Variants in RYR2 observed in about 807,000 individuals in gnomAD.
RYR2 encodes ryanodine receptor 2.
In RYR2, 227 loss-of-function variants were observed where a neutral mutation model predicts 601.1. The ratio of observed to expected loss-of-function variants is 0.38; its 90% CI spans 0.34 to 0.42. RYR2 has a LOEUF of 0.42. Ranked by LOEUF, RYR2 falls within the 10% of genes least tolerant of loss-of-function variation. The pLI is 1.00. For missense variants in RYR2, 4,646 were observed against 6,156.5 expected, an observed-to-expected ratio of 0.75 and a Z score of 8.21; for synonymous variants, 2,223 against 2,175.1, an observed-to-expected ratio of 1.02 and a Z score of -0.61.
In RYR2 at chr1:237,705,238, C is replaced by T; in HGVS notation, c.9475C>T (p.Leu3159=). The T allele has an allele frequency of 6.2e-7, 1 of 1,608,072 alleles. No individual in the cohort carries two copies. The highest frequency in any genetic ancestry group is 8.5e-7 in the Non-Finnish European group (1 of 1,176,616). ...ERQRSALGEC[L]AAFAGAFPVA... ...GCAACGTTCTGCATTAGGAGAATGT[C>T]TAGCTGCCTTTGCTGGTGCTTTTCC... is the stretch of plus-strand genomic sequence containing the variant. The change falls in exon 67 of 105, where the codon CTA becomes TTA. Residue 3159 remains leucine (L), a synonymous_variant. Transcript: ENST00000366574.
At chr1:237,575,296 T>C (rs1333908423) in intron 29 of RYR2, among the ~76,000 whole-genome samples, 1 of 152,202 alleles carries the variant, frequency 6.6e-6, no homozygotes, top group Non-Finnish European at 1.5e-5. Flanking sequence ...GTGATACTCC[T>C]CCATACCAAG....
intron 27 of RYR2, among the ~76,000 whole-genome samples, chr1:237,554,481 G>A (rs1670696622): frequency 6.6e-6 from 1 of 151,736 alleles, no homozygotes; most frequent in Non-Finnish European, 1.5e-5. Flanking sequence ...GTTAGATTTT[G>A]ATATCAATGT....
intron 29 of RYR2, among the ~76,000 whole-genome samples, chr1:237,576,391 T>C (rs890709367): frequency 1.3e-5 from 2 of 152,158 alleles, no homozygotes; most frequent in Non-Finnish European, 2.9e-5. Context: ...GTGGTATTGT[T>C]GTAGGGATAG....
chr1:237,104,455 C>T (rs2148537706), intron 1 of RYR2, among the ~76,000 whole-genome samples: 1 of 152,288 alleles, frequency 6.6e-6, no homozygotes, highest in East Asian at 1.9e-4. Context: ...TCCCTGTCTC[C>T]TTGTCTAGCA....
chr1:237,360,443 G>C (rs1699683304), intron 4 of RYR2, among the ~76,000 whole-genome samples: 2 of 152,166 alleles, frequency 1.3e-5, no homozygotes. Flanking sequence ...CAGAGATAAA[G>C]TGTGAGAACT....
chr1:237,385,456 T>A (rs1033382360), intron 8 of RYR2, among the ~76,000 whole-genome samples: 1 of 152,192 alleles, frequency 6.6e-6, no homozygotes, highest in South Asian at 2.1e-4. Context: ...ATTTTGTGTA[T>A]GTATTTTACT....
At chr1:237,796,761 T>G (rs1045751521) in intron 96 of RYR2, among the ~76,000 whole-genome samples, 1 of 152,006 alleles carries the variant, frequency 6.6e-6, no homozygotes, top group African/African-American at 2.4e-5. Context: ...TGCTTGTCTT[T>G]AATTGCTTTT....
At chr1:237,580,083 C>A (rs2148361200) in intron 29 of RYR2, among the ~76,000 whole-genome samples, 1 of 151,594 alleles carries the variant, frequency 6.6e-6, no homozygotes, top group South Asian at 2.1e-4. Flanking sequence ...ATTCTTACGA[C>A]TGTGAGGAAG....
intron 66 of RYR2, among the ~76,000 whole-genome samples, chr1:237,703,522 C>A (rs915468675): frequency 6.7e-6 from 1 of 149,592 alleles, no homozygotes; most frequent in Non-Finnish European, 1.5e-5. Flanking sequence ...AACCTCTTGC[C>A]TATTTCTCCT....
intron 27 of RYR2, among the ~76,000 whole-genome samples, chr1:237,562,529 G>A (rs976781750): frequency 3.3e-5 from 5 of 152,210 alleles, no homozygotes; most frequent in Non-Finnish European, 7.4e-5. Flanking sequence ...TGGGAGGTAC[G>A]GGGAGCACAG....
At chr1:237,565,115 TTTTCTTTC>T (rs367736284) in intron 27 of RYR2, among the ~76,000 whole-genome samples, 14 of 8,764 alleles carry the variant, frequency 1.6e-3, no homozygotes, top group South Asian at 0.022. Context: ...CTTTCTTTCT[TTTTCTTTC>T]TTTCTTTCTT....
chr1:237,268,365 T>C (rs1689274386), intron 1 of RYR2, among the ~76,000 whole-genome samples: 1 of 152,218 alleles, frequency 6.6e-6, no homozygotes, highest in South Asian at 2.1e-4. Flanking sequence ...CACCACAATA[T>C]AGCTTTGATC....
chr1:237,407,284 T>G (rs1206325425), intron 10 of RYR2, among the ~76,000 whole-genome samples: 2 of 152,212 alleles, frequency 1.3e-5, no homozygotes, highest in East Asian at 3.9e-4. Flanking sequence ...GCAAGTTTTG[T>G]ATAGACCTAA....
chr1:237,816,736 G>A (rs1773464), intron 100 of RYR2, among the ~76,000 whole-genome samples: 99,059 of 151,680 alleles, frequency 0.65, 32,955 homozygotes, highest in East Asian at 0.94. Flanking sequence ...CTTAATAAAA[G>A]TAAGAAATGT....
At chr1:237,081,268 C>G (rs1335985607) in intron 1 of RYR2, among the ~76,000 whole-genome samples, 1 of 89,854 alleles carries the variant, frequency 1.1e-5, no homozygotes, top group African/African-American at 4.2e-5. Flanking sequence ...TACCCTAAAA[C>G]TTAGAGTATA....
chr1:237,328,324 G>C (rs1396942189), intron 2 of RYR2, among the ~76,000 whole-genome samples: 3 of 152,112 alleles, frequency 2.0e-5, no homozygotes, highest in Non-Finnish European at 4.4e-5. Flanking sequence ...ACTATAATTA[G>C]TATGGTTAGA....
At position 237,042,318 on chromosome 1, in the gene RYR2, C is replaced by A. The variant is rs1659998107; in HGVS notation, c.-204C>A. 1 of 283,632 alleles carries A rather than the reference C, an allele frequency of 3.5e-6. No homozygotes were observed. The highest frequency in any genetic ancestry group is 6.2e-6 in the Non-Finnish European group (1 of 162,408). 17.6% of individuals were successfully genotyped at this position (283,632 alleles called of 1,614,324 possible). ...CGCACAGTGCGGAGCAGGGAGGCCCCGCGCCTCGACCACCCGCGCCCGAGC... is the reference window on the plus strand; with the variant it reads ...CGCACAGTGCGGAGCAGGGAGGCCCAGCGCCTCGACCACCCGCGCCCGAGC... On this transcript the variant is annotated 5_prime_UTR_variant, in exon 1 of 105. Transcript: ENST00000366574.
At chr1:237,356,704 C>T (rs562785729) in intron 4 of RYR2, among the ~76,000 whole-genome samples, 5 of 152,162 alleles carry the variant, frequency 3.3e-5, no homozygotes, top group African/African-American at 1.2e-4. Flanking sequence ...GTTTCCTTAT[C>T]TGTTAGGAAA....
chr1:237,756,050 A>G (rs925664225), intron 80 of RYR2, among the ~76,000 whole-genome samples: 5 of 151,748 alleles, frequency 3.3e-5, no homozygotes, highest in Non-Finnish European at 7.4e-5. Flanking sequence ...AAAATTGAGA[A>G]AAAAAAATCC....
Sources: gnomAD v4.1 joint callset for allele counts (sites outside exome capture counted in the v4.1 genomes callset) on GRCh38, gnomAD v4.1.1 for gene constraint, MANE v1.5 for transcripts, NCBI Gene and HGNC (gene_info 2026-07-23, HGNC 2026-07-21) for gene names.